Variants in FSBP observed in about 807,000 individuals in gnomAD.
FSBP encodes the protein fibrinogen silencer binding protein.
In FSBP, 18 loss-of-function variants were observed where a neutral mutation model predicts 24.6. That is an observed-to-expected ratio of 0.73 (90% CI 0.51 to 1.08). The LOEUF (loss-of-function observed/expected upper bound fraction) is 1.08, where lower values mean the gene tolerates loss of function less well. Ranked by LOEUF, FSBP falls within the 50% of genes least tolerant of loss-of-function variation. The pLI, the probability that FSBP is intolerant of heterozygous loss-of-function variation, is 0.00. For missense variants in FSBP, 305 were observed against 347.6 expected, an observed-to-expected ratio of 0.88 and a Z score of 0.98; for synonymous variants, 110 against 125.8, an observed-to-expected ratio of 0.87 and a Z score of 0.84.
At position 94,429,407 on chromosome 8, in the gene FSBP, G is replaced by T; in HGVS notation, c.*2724C>A. On this transcript the variant is annotated 3_prime_UTR_variant, in exon 2 of 2. Transcript: ENST00000481490. ...GTATACTGCACTTTTTTTTAACACA[G>T]ATCTCTTTTCTAGAAACATCTCACA... 2 of 872,084 alleles carry T rather than the reference G, an allele frequency of 2.3e-6. No individual in the cohort carries two copies. Among genetic ancestry groups the T allele is most frequent in the Non-Finnish European group, 2.8e-6 (2 of 727,146 alleles). 54.0% of individuals were successfully genotyped at this position (872,084 alleles called of 1,614,324 possible). A position where few individuals can be genotyped will look rare whatever the true frequency, so the allele number is the denominator to read the frequency against.
intron 1 of FSBP, among the ~76,000 whole-genome samples, chr8:94,434,243 T>C (rs1414178125): frequency 6.6e-6 from 1 of 151,864 alleles, no homozygotes; most frequent in Non-Finnish European, 1.5e-5. Flanking sequence ...AGTATAAACA[T>C]AGACATAATA....
chr8:94,431,026 T>G lies in FSBP; in HGVS notation c.*1105A>C, dbSNP rs931487943. On this transcript the variant is annotated 3_prime_UTR_variant, in exon 2 of 2. Coordinates refer to ENST00000481490, the MANE Select transcript of FSBP (RefSeq NM_001256141.2). ...CCATGGTCCCCTTCACTGCTGAAAT[T>G]ACACCCACCCCATTCTACAACTTGG... is the stretch of plus-strand genomic sequence containing the variant. 2 of 985,234 alleles carry G rather than the reference T, an allele frequency of 2.0e-6. No individual in the cohort carries two copies. The highest frequency in any genetic ancestry group is 6.2e-5 in the Admixed American group (1 of 16,252). The allele number at this position is 985,234 out of a possible 1,614,324, so 61.0% of individuals were successfully genotyped here.
chr8:94,429,399 T>C lies in FSBP; in HGVS notation c.*2732A>G, dbSNP rs1178228689. ...AAAAAGATGTATACTGCACTTTTTT[T>C]TAACACAGATCTCTTTTCTAGAAAC... On this transcript the variant is annotated 3_prime_UTR_variant, in exon 2 of 2. Coordinates refer to ENST00000481490, the MANE Select transcript of FSBP (RefSeq NM_001256141.2). 1 of 859,084 alleles carries C rather than the reference T, an allele frequency of 1.2e-6. No individual in the cohort carries two copies. Among genetic ancestry groups the C allele is most frequent in the African/African-American group, 1.8e-5 (1 of 54,534 alleles). 53.2% of individuals were successfully genotyped at this position (859,084 alleles called of 1,614,324 possible). A position where few individuals can be genotyped will look rare whatever the true frequency, so the allele number is the denominator to read the frequency against.
chr8:94,432,647 C>T lies in FSBP; in HGVS notation c.384G>A (p.Leu128=). The T allele has an allele frequency of 6.5e-7, 1 of 1,532,276 alleles. No homozygotes were observed. Among genetic ancestry groups the T allele is most frequent in the Non-Finnish European group, 8.8e-7 (1 of 1,137,254 alleles). 94.9% of individuals were successfully genotyped at this position (1,532,276 alleles called of 1,614,324 possible). A position where few individuals can be genotyped will look rare whatever the true frequency, so the allele number is the denominator to read the frequency against. Residue 128 remains leucine (L), a synonymous_variant, in exon 2 of 2, where the codon TTG becomes TTA. Transcript: ENST00000481490. ...TGGTACCAGCCTGTGCCTCCTCATC[C>T]AAGTTTGCACTATAGCACACAAAAA... ...RDRNHIQSAN[L]DEEAQAGTSS...
In FSBP at chr8:94,428,935, A is replaced by G. The variant is rs1321786088; in HGVS notation, c.*3196T>C. 4.1e-5 allele frequency: 40 copies of G among 983,902 alleles called. No homozygotes were observed. The highest frequency in any genetic ancestry group is 4.6e-5 in the Non-Finnish European group (38 of 828,676). 60.9% of individuals were successfully genotyped at this position (983,902 alleles called of 1,614,324 possible). On this transcript the variant is annotated 3_prime_UTR_variant, in exon 2 of 2. Coordinates refer to ENST00000481490, the MANE Select transcript of FSBP (RefSeq NM_001256141.2). ...ATAAACAGCCTCGGAAAAGGATTCT[A>G]TGGTCAAATAAATAATTTTCTTTAT...
chr8:94,427,875 C>T lies in FSBP; in HGVS notation c.*4256G>A, dbSNP rs1811983604. 1.0e-6 allele frequency: 1 copy of T among 956,848 alleles called. No individual in the cohort carries two copies. Among genetic ancestry groups the T allele is most frequent in the African/African-American group, 1.8e-5 (1 of 56,396 alleles). 59.3% of individuals were successfully genotyped at this position (956,848 alleles called of 1,614,324 possible). On this transcript the variant is annotated 3_prime_UTR_variant, in exon 2 of 2. Transcript: ENST00000481490. ...TCCAAAAGAAGGCACATGAAAAAAACTCATAGTTTAAACATTTTCACATAA... is the reference window on the plus strand; with the variant it reads ...TCCAAAAGAAGGCACATGAAAAAAATTCATAGTTTAAACATTTTCACATAA...
Position 94,431,489 on chromosome 8 carries a change from A to G in FSBP, c.*642T>C, listed in dbSNP as rs1812092652. ...AATGTTTTAGTGGATATTTACTTCT[A>G]TCGAATAGCGGGATGGAAATTACAC... On this transcript the variant is annotated 3_prime_UTR_variant, in exon 2 of 2. Transcript: ENST00000481490. 1 of 981,910 alleles carries G rather than the reference A, an allele frequency of 1.0e-6. No individual in the cohort carries two copies. Among genetic ancestry groups the G allele is most frequent in the South Asian group, 4.7e-5 (1 of 21,212 alleles). The allele number at this position is 981,910 out of a possible 1,614,324, so 60.8% of individuals were successfully genotyped here.
Position 94,436,669 on chromosome 8 carries a change from C to T in FSBP, c.200G>A (p.Gly67Asp), listed in dbSNP as rs766993220. 1 of 1,550,530 alleles carries T rather than the reference C, an allele frequency of 6.4e-7. No individual in the cohort carries two copies. Among genetic ancestry groups the T allele is most frequent in the Non-Finnish European group, 8.7e-7 (1 of 1,146,964 alleles). Residue 67 changes from glycine to aspartate, a missense_variant, in exon 1 of 2, where the codon GGC becomes GAC. Gly to Asp is a moderately conservative substitution (Grantham distance 94). Coordinates refer to ENST00000481490, the MANE Select transcript of FSBP (RefSeq NM_001256141.2). The stretch of plus-strand genomic sequence containing the variant: ...GAGCCTTTTATAAAGGGTGCGTAGG[C>T]CCTGTGCTGTTCGAGGAGGGCGGTC... The part of the protein sequence containing the change: ...GVDRPPRTAQ[G>D]LRTLYKRLKE...
At position 94,431,987 on chromosome 8, in the gene FSBP, A is replaced by T. The variant is rs1240044019; in HGVS notation, c.*144T>A. 1 of 1,308,706 alleles carries T rather than the reference A, an allele frequency of 7.6e-7. No individual in the cohort carries two copies. The highest frequency in any genetic ancestry group is 1.5e-5 in the African/African-American group (1 of 65,842). 81.1% of individuals were successfully genotyped at this position (1,308,706 alleles called of 1,614,324 possible). On this transcript the variant is annotated 3_prime_UTR_variant, in exon 2 of 2. Transcript: ENST00000481490. ...AATTTTAATATCTCAAAAGAAAATA[A>T]TTAGAAAATTATATCTAAAAAGTTT...
Position 94,430,990 on chromosome 8 carries a change from A to T in FSBP, c.*1141T>A. On this transcript the variant is annotated 3_prime_UTR_variant, in exon 2 of 2. Coordinates refer to ENST00000481490, the MANE Select transcript of FSBP (RefSeq NM_001256141.2). Reference sequence around the variant, plus strand: ...TCTTTTTTCCAGCGTCTCACTCTTGACTTCAAACACCCATGGTCCCCTTCA... The same window carrying T: ...TCTTTTTTCCAGCGTCTCACTCTTGTCTTCAAACACCCATGGTCCCCTTCA... The T allele has an allele frequency of 1.0e-6, 1 of 985,270 alleles. No homozygotes were observed. Among genetic ancestry groups the T allele is most frequent in the Non-Finnish European group, 1.2e-6 (1 of 829,904 alleles). 61.0% of individuals were successfully genotyped at this position (985,270 alleles called of 1,614,324 possible).
intron 1 of FSBP, among the ~76,000 whole-genome samples, chr8:94,433,106 C>T (rs1274282802): frequency 6.6e-6 from 1 of 152,086 alleles, no homozygotes; most frequent in East Asian, 1.9e-4. Context: ...ACCATGAAGG[C>T]CCATAACTTA....
rs143995521 is a variant in FSBP at position 94,429,843 on chromosome 8, C to T, written c.*2288G>A. 721 of 985,244 alleles carry T rather than the reference C, an allele frequency of 7.3e-4. 3 individuals carry two copies. The African/African-American group carries it at 0.012, about 16-fold the overall frequency. The allele number at this position is 985,244 out of a possible 1,614,324, so 61.0% of individuals were successfully genotyped here. On this transcript the variant is annotated 3_prime_UTR_variant, in exon 2 of 2. Transcript: ENST00000481490. ...AAGTAGTCAACATGCTAAAATAGTA[C>T]CTTGAGTTCATTTTTTTCTATTTCT...
Position 94,432,522 on chromosome 8 carries a change from G to A in FSBP, c.509C>T (p.Ser170Phe), listed in dbSNP as rs1429459162. Residue 170 changes from serine to phenylalanine, a missense_variant, in exon 2 of 2, where the codon TCT (serine) becomes TTT (phenylalanine). Coordinates refer to ENST00000481490, the MANE Select transcript of FSBP (RefSeq NM_001256141.2). ...IKPPPPLVLN[S>F]QQSDTLEQRE... ...TTGCTCTAAAGTATCACTCTGTTGA[G>A]AATTTAAAACCAGTGGAGGAGGTGG... 1.3e-6 allele frequency: 2 copies of A among 1,550,598 alleles called. No individual in the cohort carries two copies. The highest frequency in any genetic ancestry group is 2.7e-5 in the African/African-American group (2 of 73,110).
At position 94,429,822 on chromosome 8, in the gene FSBP, A is replaced by T. The variant is rs1812041725; in HGVS notation, c.*2309T>A. 1.0e-6 allele frequency: 1 copy of T among 985,294 alleles called. No homozygotes were observed. Among genetic ancestry groups the T allele is most frequent in the African/African-American group, 1.7e-5 (1 of 57,254 alleles). 61.0% of individuals were successfully genotyped at this position (985,294 alleles called of 1,614,324 possible). A position where few individuals can be genotyped will look rare whatever the true frequency, so the allele number is the denominator to read the frequency against. Reference sequence around the variant, plus strand: ...TTTAATCCAACCAATGAAATTAAGTAGTCAACATGCTAAAATAGTACCTTG... The same window carrying T: ...TTTAATCCAACCAATGAAATTAAGTTGTCAACATGCTAAAATAGTACCTTG... On this transcript the variant is annotated 3_prime_UTR_variant, in exon 2 of 2. Transcript: ENST00000481490.
chr8:94,432,843 TACTC>T (rs1005235247), intron 1 of FSBP, among the ~76,000 whole-genome samples, 187 bp from the exon 2 acceptor site: 1 of 152,092 alleles, frequency 6.6e-6, no homozygotes, highest in Non-Finnish European at 1.5e-5. Flanking sequence ...CAATAATACA[TACTC>T]ACAGATCTCC....
chr8:94,431,965 T>G lies in FSBP; in HGVS notation c.*166A>C, dbSNP rs1812107902. 2.3e-6 allele frequency: 3 copies of G among 1,301,348 alleles called. No homozygotes were observed. The highest frequency in any genetic ancestry group is 2.9e-6 in the Non-Finnish European group (3 of 1,021,650). The allele number at this position is 1,301,348 out of a possible 1,614,324, so 80.6% of individuals were successfully genotyped here. ...TAACCATGCCAACCAACCAGTAAATTTTAATATCTCAAAAGAAAATAATTA... is the reference window on the plus strand; with the variant it reads ...TAACCATGCCAACCAACCAGTAAATGTTAATATCTCAAAAGAAAATAATTA... On this transcript the variant is annotated 3_prime_UTR_variant, in exon 2 of 2. Coordinates refer to ENST00000481490, the MANE Select transcript of FSBP (RefSeq NM_001256141.2).
Position 94,428,050 on chromosome 8 carries a change from T to C in FSBP, c.*4081A>G, listed in dbSNP as rs1323718160. The C allele has an allele frequency of 1.1e-6, 1 of 948,130 alleles. No homozygotes were observed. Among genetic ancestry groups the C allele is most frequent in the Non-Finnish European group, 1.3e-6 (1 of 796,146 alleles). 58.7% of individuals were successfully genotyped at this position (948,130 alleles called of 1,614,324 possible). On this transcript the variant is annotated 3_prime_UTR_variant, in exon 2 of 2. Transcript: ENST00000481490. The stretch of plus-strand genomic sequence containing the variant: ...TGAGTTTCACTGACTTTTCTCAGGA[T>C]GTCATTATAAATCACAGCTAGTTTA...
intron 1 of FSBP, among the ~76,000 whole-genome samples, 195 bp downstream of exon 1, chr8:94,436,300 T>G (rs1210536070): frequency 1.3e-5 from 2 of 152,156 alleles, no homozygotes; most frequent in African/African-American, 4.8e-5. Context: ...GGGAAGACAG[T>G]AAAAAGTAGC....
intron 1 of FSBP, 38 bp downstream of exon 1, chr8:94,436,457 C>A: frequency 6.7e-7 from 1 of 1,489,822 alleles, no homozygotes; most frequent in Non-Finnish European, 8.9e-7. Flanking sequence ...AGATAGGAGG[C>A]GCCATAATTT....
Sources: gnomAD v4.1 joint callset for allele counts (sites outside exome capture counted in the v4.1 genomes callset) on GRCh38, gnomAD v4.1.1 for gene constraint, MANE v1.5 for transcripts, NCBI Gene and HGNC (gene_info 2026-07-23, HGNC 2026-07-21) for gene names.